Variants in TTC28 observed in about 807,000 individuals in gnomAD.
The protein encoded by TTC28 is tetratricopeptide repeat protein 28.
In TTC28, 61 loss-of-function variants were observed where a neutral mutation model predicts 198.0. The observed-to-expected ratio is 0.31, with a 90% CI of 0.25 to 0.38. The LOEUF (loss-of-function observed/expected upper bound fraction) is 0.38. Ranked by LOEUF, TTC28 falls within the 10% of genes least tolerant of loss-of-function variation. The pLI, the probability that TTC28 is intolerant of heterozygous loss-of-function variation, is 1.00. For missense variants in TTC28, 2,678 were observed against 3,164.0 expected, an observed-to-expected ratio of 0.85 and a Z score of 3.69; for synonymous variants, 1,171 against 1,297.8, an observed-to-expected ratio of 0.90 and a Z score of 2.10.
intron 1 of TTC28, among the ~76,000 whole-genome samples, chr22:28,662,550 A>C (rs568006995): frequency 6.6e-6 from 1 of 152,354 alleles, no homozygotes; most frequent in Admixed American, 6.5e-5. Context: ...TAAAGTATTT[A>C]AACAGTACTG....
chr22:28,567,339 T>C (rs2049986321), intron 2 of TTC28, among the ~76,000 whole-genome samples: 1 of 146,874 alleles, frequency 6.8e-6, no homozygotes, highest in African/African-American at 2.5e-5. Context: ...CAGTGAGTCA[T>C]GATTGTGCCA....
chr22:28,187,262 G>T (rs1353577886), intron 5 of TTC28, among the ~76,000 whole-genome samples: 1 of 152,142 alleles, frequency 6.6e-6, no homozygotes, highest in Non-Finnish European at 1.5e-5. Flanking sequence ...AGCCTGGAAA[G>T]AAGTGAAAAA....
rs576429397 is a variant in TTC28, at chr22:28,227,962, A to G, written c.934-64363T>C. Among the ~76,000 whole-genome samples, 6 of 152,360 alleles carry G rather than the reference A, an allele frequency of 3.9e-5. No homozygotes were observed. In the South Asian group the frequency reaches 1.2e-3, roughly 32 times the overall value. On this transcript the variant is annotated intron_variant, in intron 5 of 22. Transcript: ENST00000397906. ...TTCACAATAGCCCAAAGGTGAAAGC[A>G]ACCCAAATGTCCATTATAGATTAAT...
intron 1 of TTC28, among the ~76,000 whole-genome samples, chr22:28,669,702 A>T (rs2051848101): frequency 1.3e-5 from 2 of 152,192 alleles, no homozygotes; most frequent in South Asian, 4.1e-4. Context: ...GTAAGTTCAA[A>T]TACCTTAACA....
At position 27,982,135 on chromosome 22, in the gene TTC28, G is replaced by C. The variant is rs777723155; in HGVS notation, c.*86C>G. On this transcript the variant is annotated 3_prime_UTR_variant, in exon 23 of 23. Transcript: ENST00000397906. This position sits in a 1 kb window ranked among gnomAD's most constrained non-coding sequence, Gnocchi z 5.2. ...GCATCATGAGGGTGCTGGTGGCTGT[G>C]GGGGGACTGCACTCAGGGAAGGGCT... The C allele has an allele frequency of 3.8e-6, 5 of 1,328,446 alleles. No homozygotes were observed. Among genetic ancestry groups the C allele is most frequent in the South Asian group, 1.6e-5 (1 of 62,104 alleles). 82.3% of individuals were successfully genotyped at this position (1,328,446 alleles called of 1,614,324 possible). A position where few individuals can be genotyped will look rare whatever the true frequency, so the allele number is the denominator to read the frequency against.
intron 10 of TTC28, among the ~76,000 whole-genome samples, chr22:28,096,807 G>GT (rs1295918749): frequency 3.4e-5 from 5 of 148,732 alleles, no homozygotes; most frequent in African/African-American, 1.3e-4. Context: ...CTCTCTACGT[G>GT]TCTTTTTTTT....
chr22:28,505,275 A>T (rs1026529987), intron 2 of TTC28, among the ~76,000 whole-genome samples: 1 of 151,874 alleles, frequency 6.6e-6, no homozygotes, highest in South Asian at 2.1e-4. Context: ...AAAAAAAAAA[A>T]AAAGTTTAAA....
chr22:28,278,469 T>C (rs2145727507), intron 5 of TTC28, among the ~76,000 whole-genome samples: 1 of 152,298 alleles, frequency 6.6e-6, no homozygotes, highest in East Asian at 1.9e-4. Context: ...GAAAACTACT[T>C]TAGATATAAC....
At chr22:28,548,893 C>T (rs1009826833) in intron 2 of TTC28, among the ~76,000 whole-genome samples, 3 of 152,184 alleles carry the variant, frequency 2.0e-5, no homozygotes, top group African/African-American at 7.2e-5. Flanking sequence ...GTTCAAGTCC[C>T]ACATTCTTTA....
chr22:28,225,731 T>C (rs1928288358), intron 5 of TTC28, among the ~76,000 whole-genome samples: 1 of 152,208 alleles, frequency 6.6e-6, no homozygotes, highest in African/African-American at 2.4e-5. Flanking sequence ...AGTGAACATA[T>C]CCCATCCACC....
At chr22:28,196,744 T>C (rs1193126802) in intron 5 of TTC28, among the ~76,000 whole-genome samples, 1 of 151,624 alleles carries the variant, frequency 6.6e-6, no homozygotes, top group Non-Finnish European at 1.5e-5. Context: ...CCAGTTAGTA[T>C]GGCGATCATT....
At position 28,070,521 on chromosome 22, in the gene TTC28, C is replaced by T. The variant is rs538063240; in HGVS notation, c.3932+23559G>A. Among the ~76,000 whole-genome samples, 31 of 152,248 alleles carry T rather than the reference C, an allele frequency of 2.0e-4. No homozygotes were observed. In the South Asian group the frequency reaches 6.0e-3, roughly 30 times the overall value. Reference sequence around the variant, plus strand: ...TCTAGGCTGGGTGCAGTGATCCACTCCTGTAATCTCAGCACTTTGGGAGGA... The same window carrying T: ...TCTAGGCTGGGTGCAGTGATCCACTTCTGTAATCTCAGCACTTTGGGAGGA... On this transcript the variant is annotated intron_variant, in intron 12 of 22. Transcript: ENST00000397906.
chr22:28,155,490 A>G (rs1943730253), intron 6 of TTC28, among the ~76,000 whole-genome samples: 1 of 152,256 alleles, frequency 6.6e-6, no homozygotes. Context: ...AAATATAAAT[A>G]GAATAAGAAG....
chr22:28,546,724 A>C (rs1050844124), intron 2 of TTC28, among the ~76,000 whole-genome samples: 23 of 152,236 alleles, frequency 1.5e-4, no homozygotes, highest in African/African-American at 5.5e-4. Flanking sequence ...TCAAAGGTCC[A>C]TCAACAAGTA....
At chr22:28,059,750 G>A (rs1276677574) in intron 12 of TTC28, among the ~76,000 whole-genome samples, 2 of 151,670 alleles carry the variant, frequency 1.3e-5, no homozygotes, top group African/African-American at 4.8e-5. Context: ...TACATTTATG[G>A]CTTTTAATGT....
chr22:28,286,823 G>A (rs1198103773), intron 5 of TTC28, among the ~76,000 whole-genome samples: 4 of 151,358 alleles, frequency 2.6e-5, no homozygotes, highest in Non-Finnish European at 4.4e-5. Context: ...CAAAACCTAA[G>A]GATAAAATTA....
At chr22:28,436,945 C>T (rs986668500) in intron 2 of TTC28, among the ~76,000 whole-genome samples, 4 of 152,136 alleles carry the variant, frequency 2.6e-5, no homozygotes, top group Non-Finnish European at 4.4e-5. Context: ...AACTACAATA[C>T]GCCACAACAC....
At chr22:28,330,404 T>C (rs1348837891) in intron 2 of TTC28, among the ~76,000 whole-genome samples, 1 of 152,130 alleles carries the variant, frequency 6.6e-6, no homozygotes, top group African/African-American at 2.4e-5. Flanking sequence ...TCCAGATTTA[T>C]GGTCGTCTTT....
chr22:28,137,046 T>C (rs1943215680), intron 6 of TTC28, among the ~76,000 whole-genome samples: 1 of 152,222 alleles, frequency 6.6e-6, no homozygotes, highest in South Asian at 2.1e-4. Flanking sequence ...ATGTGACTCT[T>C]AACCAGTATT....
Sources: allele counts gnomAD v4.1 joint callset (sites outside exome capture counted in the v4.1 genomes callset), GRCh38; gene constraint gnomAD v4.1.1; non-coding constraint Gnocchi (gnomAD v3.1); transcripts MANE v1.5; gene names NCBI Gene and HGNC (gene_info 2026-07-23, HGNC 2026-07-21).